IST1: variants seen among roughly 807,000 people sequenced by gnomAD.
IST1 encodes IST1 homolog.
A neutral mutation model predicts 37.0 loss-of-function variants in IST1; 23 were observed. That is an observed-to-expected ratio of 0.62 (90% CI 0.45 to 0.88). IST1 has a LOEUF of 0.88. Ranked by LOEUF, IST1 falls within the 40% of genes least tolerant of loss-of-function variation. The pLI, the probability that IST1 is intolerant of heterozygous loss-of-function variation, is 0.00. For synonymous variants in IST1, 180 were observed against 161.7 expected (o/e 1.11, Z -0.86); for missense variants, 488 against 445.4 (o/e 1.10, Z -0.86).
At chr16:71,919,409 G>A (rs1051062841) in intron 4 of IST1, among the ~76,000 whole-genome samples, 9 of 152,070 alleles carry the variant, frequency 5.9e-5, no homozygotes, top group South Asian at 2.1e-4. Flanking sequence ...TATTTGAGAC[G>A]GTCTTGATCT....
intron 8 of IST1, 72 bp downstream of exon 8, chr16:71,923,452 C>G (rs2142593746): frequency 1.1e-6 from 1 of 923,108 alleles, no homozygotes; most frequent in South Asian, 1.4e-5. Flanking sequence ...ATAATGACCA[C>G]AGGGAAGGCA....
At chr16:71,923,235 C>T (rs2142592454) in intron 7 of IST1, 53 bp from the exon 8 acceptor site, 3 of 1,028,730 alleles carry the variant, frequency 2.9e-6, no homozygotes, top group Non-Finnish European at 3.0e-6. Flanking sequence ...CCCAAACCTT[C>T]GAGATTGCAA....
chr16:71,924,859 A>G (rs2037700603), intron 9 of IST1, 42 bp downstream of exon 9: 3 of 1,355,442 alleles, frequency 2.2e-6, no homozygotes, highest in Non-Finnish European at 3.2e-6. Context: ...TCAGTGCTGA[A>G]CCCTCTGCTG....
chr16:71,904,650 C>T (rs1291920308), intron 1 of IST1, among the ~76,000 whole-genome samples: 1 of 152,198 alleles, frequency 6.6e-6, no homozygotes, highest in East Asian at 1.9e-4. Flanking sequence ...CTCCAGCGAT[C>T]CTCCCACATC....
intron 2 of IST1, 112 bp downstream of exon 2, chr16:71,915,840 G>C: frequency 1.5e-6 from 1 of 655,932 alleles, no homozygotes; most frequent in South Asian, 1.9e-5. Context: ...TTTTTTTGTT[G>C]TTTTTGTTGA....
rs986892397 is a variant in IST1, at chr16:71,921,567, C to T, written c.552+114C>T. The T allele has an allele frequency of 6.8e-5, 44 of 650,414 alleles. No individual in the cohort carries two copies. In the East Asian group the frequency reaches 1.2e-3, roughly 17 times the overall value. The allele number at this position is 650,414 out of a possible 1,614,324, so 40.3% of individuals were successfully genotyped here. On this transcript the variant is annotated intron_variant, in intron 6 of 9. Coordinates refer to ENST00000378799, the MANE Select transcript of IST1 (RefSeq NM_001270975.2). ...AATTTGTGTGAGTTTAAGCCTTTGT[C>T]CAGTTAGTACCTTTATGACAATAAA...
chr16:71,919,729 C>T (rs1165391447), intron 4 of IST1, among the ~76,000 whole-genome samples: 2 of 152,156 alleles, frequency 1.3e-5, no homozygotes, highest in African/African-American at 2.4e-5. Flanking sequence ...CATCACTTCC[C>T]TCAGGAAGCC....
At chr16:71,920,488 A>G (rs923182554) in intron 4 of IST1, among the ~76,000 whole-genome samples, 1 of 152,228 alleles carries the variant, frequency 6.6e-6, no homozygotes, top group Admixed American at 6.5e-5. Context: ...GAGTAAGAAC[A>G]GTATCTGTTT....
chr16:71,906,216 G>A (rs867952869), intron 1 of IST1, among the ~76,000 whole-genome samples: 2 of 151,502 alleles, frequency 1.3e-5, no homozygotes, highest in African/African-American at 4.9e-5. Flanking sequence ...TGTTAGCCAG[G>A]ATGGTCTCAA....
At chr16:71,903,038 A>G (rs983260477) in intron 1 of IST1, 1 of 152,102 alleles carries the variant, frequency 6.6e-6, no homozygotes, top group Admixed American at 6.6e-5. Context: ...TCCAGCCTAG[A>G]GTGCAGTGGG....
At chr16:71,924,532 G>C in intron 8 of IST1, 1 of 581,036 alleles carries the variant, frequency 1.7e-6, no homozygotes. Flanking sequence ...TGGAGGCTGT[G>C]GTGAGCCGTG....
intron 7 of IST1, chr16:71,922,945 C>G (rs1429599523): frequency 3.8e-6 from 2 of 533,188 alleles, no homozygotes; most frequent in Non-Finnish European, 6.6e-6. Context: ...CTGTTATAGT[C>G]ATACTAGTAG....
chr16:71,921,108 G>A (rs1322555852), intron 5 of IST1: 1 of 598,148 alleles, frequency 1.7e-6, no homozygotes, highest in East Asian at 2.8e-5. Context: ...TTGAACTGTG[G>A]AAGGCAGCAG....
At chr16:71,912,242 A>C (rs2037371595) in intron 1 of IST1, among the ~76,000 whole-genome samples, 2 of 151,898 alleles carry the variant, frequency 1.3e-5, no homozygotes, top group South Asian at 4.1e-4. Context: ...CTCCATTATA[A>C]AAATTTTTTT....
At chr16:71,911,426 C>T (rs921056495) in intron 1 of IST1, among the ~76,000 whole-genome samples, 19 of 149,528 alleles carry the variant, frequency 1.3e-4, no homozygotes, top group African/African-American at 3.7e-4. Context: ...CCAGACACTC[C>T]GGAGGCTGAG....
At chr16:71,925,083 G>A (rs552592556) in intron 9 of IST1, among the ~76,000 whole-genome samples, 1 of 150,596 alleles carries the variant, frequency 6.6e-6, no homozygotes, top group South Asian at 2.1e-4. Context: ...TGTGATCTTG[G>A]CTCACTGCAA....
intron 3 of IST1, 117 bp downstream of exon 3, chr16:71,916,759 T>C: frequency 1.2e-6 from 1 of 842,670 alleles, no homozygotes; most frequent in Non-Finnish European, 1.8e-6. Flanking sequence ...TGCCTAACAG[T>C]TGCTGAAAGG....
At chr16:71,916,701 T>G in intron 3 of IST1, 59 bp downstream of exon 3, 1 of 1,438,860 alleles carries the variant, frequency 6.9e-7, no homozygotes, top group Non-Finnish European at 9.6e-7. Flanking sequence ...AGGAGTAATA[T>G]GATCTCTTTC....
chr16:71,900,283 G>A (rs917359667), intron 1 of IST1, among the ~76,000 whole-genome samples: 9 of 146,280 alleles, frequency 6.2e-5, no homozygotes, highest in Admixed American at 6.9e-5. Flanking sequence ...TCCTCACTTC[G>A]TACTTTTAGA....
Sources: allele counts gnomAD v4.1 joint callset (sites outside exome capture counted in the v4.1 genomes callset), GRCh38; gene constraint gnomAD v4.1.1; transcripts MANE v1.5; gene names NCBI Gene and HGNC (gene_info 2026-07-23, HGNC 2026-07-21).